ZNF341: variants seen among roughly 807,000 people sequenced by gnomAD.
ZNF341 encodes zinc finger protein 341.
A neutral mutation model predicts 87.7 loss-of-function variants in ZNF341; 52 were observed. The ratio of observed to expected loss-of-function variants is 0.59; its 90% CI spans 0.47 to 0.75. The LOEUF (loss-of-function observed/expected upper bound fraction) is 0.75, where lower values mean the gene tolerates loss of function less well. Among genes scored for constraint, ZNF341 ranks in the 30% least tolerant of loss-of-function variants. ZNF341 has a pLI of 0.00. For synonymous variants in ZNF341, 459 were observed against 472.7 expected (o/e 0.97, Z 0.38); for missense variants, 977 against 1,145.9 (o/e 0.85, Z 2.13).
intron 8 of ZNF341, among the ~76,000 whole-genome samples, chr20:33,764,543 G>GTGTGTATATATATA (rs1332743148): frequency 1.4e-5 from 1 of 69,338 alleles, no homozygotes; most frequent in African/African-American, 6.8e-5. Context: ...GTGTGTATGT[G>GTGTGTATATATATA]TATATATATA....
At chr20:33,775,791 C>T (rs2019615334) in intron 10 of ZNF341, among the ~76,000 whole-genome samples, 1 of 151,944 alleles carries the variant, frequency 6.6e-6, no homozygotes, top group Non-Finnish European at 1.5e-5. Flanking sequence ...CCTTGACTTC[C>T]CTGGCTCAAA....
chr20:33,734,558 GGAGGGGGAGCAGTGGGTT>G (rs1348126040), intron 1 of ZNF341, among the ~76,000 whole-genome samples: 2 of 152,160 alleles, frequency 1.3e-5, no homozygotes, highest in Non-Finnish European at 2.9e-5. Flanking sequence ...TGGGGAGTGG[GGAGGGGGAGCAGTGGGTT>G]GAGGGAAGAC....
chr20:33,735,276 C>G (rs1255405948), intron 1 of ZNF341, among the ~76,000 whole-genome samples: 1 of 152,166 alleles, frequency 6.6e-6, no homozygotes, highest in East Asian at 1.9e-4. Flanking sequence ...AGTGATCTGC[C>G]CGCCTTGGCC....
chr20:33,770,228 G>A lies in ZNF341; in HGVS notation c.1558G>A (p.Val520Met), dbSNP rs747161975. Reference protein sequence around the residue: ...KDFPSLYDLGVHQYSHSLLPQ... With the variant: ...KDFPSLYDLGMHQYSHSLLPQ... ...CTTCCCCTCGCTGTACGACCTGGGC[G>A]TGCACCAGTACTCCCACAGCCTCCT... The change falls in exon 10 of 15, where the codon GTG becomes ATG. Residue 520 changes from valine (V) to methionine (M), a missense_variant. Physicochemically the swap from Val to Met is conservative, Grantham distance 21 (BLOSUM62 1). Around this residue, in one of 3 missense-constraint regions of ZNF341, gnomAD observed 241 missense variants for 335.0 expected, o/e 0.72. Coordinates refer to ENST00000375200, the MANE Select transcript of ZNF341 (RefSeq NM_001282933.2). 8.2e-5 allele frequency: 132 copies of A among 1,613,878 alleles called. No individual in the cohort carries two copies. The highest frequency in any genetic ancestry group is 2.5e-4 in the Admixed American group (15 of 59,978).
At chr20:33,767,440 C>T (rs903378393) in intron 9 of ZNF341, among the ~76,000 whole-genome samples, 9 of 150,114 alleles carry the variant, frequency 6.0e-5, no homozygotes, top group South Asian at 2.1e-4. Context: ...TGCAGTGGTG[C>T]GATCTCAGCT....
Position 33,770,338 on chromosome 20 carries a change from G to A in ZNF341, c.1622+46G>A, listed in dbSNP as rs1415557666. The A allele has an allele frequency of 1.8e-5, 9 of 491,730 alleles. No individual in the cohort carries two copies. The East Asian group carries it at 1.9e-4, about 10-fold the overall frequency. The allele number at this position is 491,730 out of a possible 1,614,324, so 30.5% of individuals were successfully genotyped here. ...TCTCCCTGGGTGGACGGGTGGGTGG[G>A]CAGGGAGCCCAGGGCCTGTGGCCTT... On this transcript the variant is annotated intron_variant, in intron 10 of 14. Transcript: ENST00000375200.
chr20:33,732,169 T>TGGAACAGCCGCGGGGCG lies in ZNF341; in HGVS notation c.31+121_31+137dup. 7.7e-6 allele frequency: 6 copies of TGGAACAGCCGCGGGGCG among 784,006 alleles called. No individual in the cohort carries two copies. The highest frequency in any genetic ancestry group is 7.7e-6 in the Non-Finnish European group (5 of 648,200). The allele number at this position is 784,006 out of a possible 1,614,324, so 48.6% of individuals were successfully genotyped here. A position where few individuals can be genotyped will look rare whatever the true frequency, so the allele number is the denominator to read the frequency against. On this transcript the variant is annotated intron_variant, in intron 1 of 14. Coordinates refer to ENST00000375200, the MANE Select transcript of ZNF341 (RefSeq NM_001282933.2). This position sits in a 1 kb window ranked among gnomAD's most constrained non-coding sequence, Gnocchi z 4.5. ...GCCGCGGGGCGGAGGGCGCCGGGGC[T>TGGAACAGCCGCGGGGCG]GGAACAGCCGCGGGGCGGGAGGGGC...
chr20:33,735,280 C>A (rs1439443503), intron 1 of ZNF341, among the ~76,000 whole-genome samples: 1 of 152,196 alleles, frequency 6.6e-6, no homozygotes, highest in African/African-American at 2.4e-5. Context: ...ATCTGCCCGC[C>A]TTGGCCTCCA....
intron 10 of ZNF341, among the ~76,000 whole-genome samples, chr20:33,772,034 A>AAAAAAAAAAAAAAAAAT: frequency 6.7e-6 from 1 of 150,266 alleles, no homozygotes; most frequent in Admixed American, 6.7e-5. Context: ...AAAAAAAAAA[A>AAAAAAAAAAAAAAAAAT]AGATCTTCAC....
Position 33,732,535 on chromosome 20 carries a change from G to A in ZNF341, c.31+483G>A, listed in dbSNP as rs2018593892. Among the ~76,000 whole-genome samples the A allele has an allele frequency of 6.6e-6, 1 of 152,244 alleles. No individual in the cohort carries two copies. The highest frequency in any genetic ancestry group is 1.5e-5 in the Non-Finnish European group (1 of 68,036). On this transcript the variant is annotated intron_variant, in intron 1 of 14. Coordinates refer to ENST00000375200, the MANE Select transcript of ZNF341 (RefSeq NM_001282933.2). This position sits in a 1 kb window ranked among gnomAD's most constrained non-coding sequence, Gnocchi z 4.5. Reference sequence around the variant, plus strand: ...GTGCTAGGACGTAGTCTCAAAATCAGACCACAGCAGCAGAGGCGCCACCTG... The same window carrying A: ...GTGCTAGGACGTAGTCTCAAAATCAAACCACAGCAGCAGAGGCGCCACCTG...
chr20:33,766,596 G>C (rs541561212), intron 8 of ZNF341, among the ~76,000 whole-genome samples: 1 of 152,268 alleles, frequency 6.6e-6, no homozygotes, highest in East Asian at 1.9e-4. Context: ...CAGTGTCTGA[G>C]GGGAAGGCCA....
At chr20:33,777,797 A>G (rs562564561) in intron 10 of ZNF341, among the ~76,000 whole-genome samples, 147 of 152,276 alleles carry the variant, frequency 9.7e-4, no homozygotes, top group Middle Eastern at 3.4e-3. Context: ...TGTTGAATTC[A>G]GTTGTCATGT....
At chr20:33,755,270 T>C (rs2019153935) in intron 5 of ZNF341, among the ~76,000 whole-genome samples, 1 of 151,924 alleles carries the variant, frequency 6.6e-6, no homozygotes. Flanking sequence ...GAGTGCTGTA[T>C]TGGTCAGGGT....
intron 1 of ZNF341, among the ~76,000 whole-genome samples, chr20:33,737,671 G>A (rs2018719828): frequency 1.3e-5 from 2 of 152,134 alleles, no homozygotes; most frequent in African/African-American, 4.8e-5. Context: ...AATGGGTGCT[G>A]TTGATTGGTT....
chr20:33,750,829 C>A (rs1476034045), intron 4 of ZNF341, among the ~76,000 whole-genome samples: 2 of 152,114 alleles, frequency 1.3e-5, no homozygotes, highest in Non-Finnish European at 2.9e-5. Context: ...TTAGTAGAGA[C>A]AAGGTTTTGC....
intron 5 of ZNF341, among the ~76,000 whole-genome samples, chr20:33,756,183 A>G (rs2019173346): frequency 6.6e-6 from 1 of 151,930 alleles, no homozygotes; most frequent in African/African-American, 2.4e-5. Flanking sequence ...AGATCACATC[A>G]TTGCATTCCA....
intron 9 of ZNF341, among the ~76,000 whole-genome samples, chr20:33,769,236 C>T (rs2019472657): frequency 6.6e-6 from 1 of 152,054 alleles, no homozygotes; most frequent in Non-Finnish European, 1.5e-5. Flanking sequence ...CGGCTATAGG[C>T]AGGCTCCTTA....
At chr20:33,774,117 T>TAAA (rs60445142) in intron 10 of ZNF341, among the ~76,000 whole-genome samples, 3 of 100,088 alleles carry the variant, frequency 3.0e-5, no homozygotes, top group Non-Finnish European at 3.8e-5. Context: ...CTGTCTCTAC[T>TAAA]AAAAAAAAAA....
chr20:33,742,195 T>G (rs1009824420), intron 2 of ZNF341, among the ~76,000 whole-genome samples: 4 of 152,116 alleles, frequency 2.6e-5, no homozygotes, highest in Non-Finnish European at 5.9e-5. Context: ...ATTCATACCC[T>G]TTCGTTTTGT....
Sources: allele counts gnomAD v4.1 joint callset (sites outside exome capture counted in the v4.1 genomes callset), GRCh38; gene constraint gnomAD v4.1.1; regional missense constraint gnomAD v4.1.1; non-coding constraint Gnocchi (gnomAD v3.1); transcripts MANE v1.5; gene names NCBI Gene and HGNC (gene_info 2026-07-23, HGNC 2026-07-21).